Variants in KIAA1217 observed in about 807,000 individuals in gnomAD.
KIAA1217 encodes KIAA1217.
KIAA1217 carries 88 observed loss-of-function variants against 163.9 expected under a neutral mutation model. The ratio of observed to expected loss-of-function variants is 0.54; its 90% CI spans 0.45 to 0.64. KIAA1217 has a LOEUF of 0.64. KIAA1217 is among the 30% of genes least tolerant of loss of function. KIAA1217 has a pLI of 0.00. For synonymous variants in KIAA1217, 903 were observed against 923.1 expected (o/e 0.98, Z 0.39); for missense variants, 2,372 against 2,475.0 (o/e 0.96, Z 0.88).
intron 10 of KIAA1217, among the ~76,000 whole-genome samples, chr10:24,516,283 C>G (rs2070136992): frequency 6.6e-6 from 1 of 152,204 alleles, no homozygotes; most frequent in Non-Finnish European, 1.5e-5. Flanking sequence ...GTGCAAGATA[C>G]TAATAACATC....
chr10:24,051,503 A>G (rs1564639989), intron 2 of KIAA1217, among the ~76,000 whole-genome samples: 2 of 152,210 alleles, frequency 1.3e-5, no homozygotes, highest in Non-Finnish European at 2.9e-5. Context: ...AGATTCCACT[A>G]TAAACATATT....
chr10:23,800,008 A>G (rs895386726), intron 1 of KIAA1217, among the ~76,000 whole-genome samples: 2 of 152,200 alleles, frequency 1.3e-5, no homozygotes, highest in African/African-American at 4.8e-5. Context: ...TCTGGGAACA[A>G]TTTTGTTTGC....
chr10:24,245,736 A>G (rs552067210), intron 2 of KIAA1217, among the ~76,000 whole-genome samples: 1 of 151,866 alleles, frequency 6.6e-6, no homozygotes, highest in Non-Finnish European at 1.5e-5. Flanking sequence ...GGCTCAAGCA[A>G]TCCTCCTGCC....
intron 1 of KIAA1217, among the ~76,000 whole-genome samples, chr10:23,868,077 A>C (rs1228896295): frequency 6.6e-6 from 1 of 152,092 alleles, no homozygotes. Flanking sequence ...ATGGCTAGCC[A>C]GTTTTCCCAG....
chr10:24,419,752 A>G (rs1207520690), intron 3 of KIAA1217, among the ~76,000 whole-genome samples: 1 of 152,140 alleles, frequency 6.6e-6, no homozygotes, highest in Non-Finnish European at 1.5e-5. Flanking sequence ...AGCTAACCAC[A>G]TGCTGGAGTT....
At chr10:23,776,142 A>G (rs1834998809) in intron 1 of KIAA1217, among the ~76,000 whole-genome samples, 1 of 152,122 alleles carries the variant, frequency 6.6e-6, no homozygotes, top group African/African-American at 2.4e-5. Flanking sequence ...AAGAGATACC[A>G]TTGAAGATGA....
At chr10:23,868,288 G>A (rs962669372) in intron 1 of KIAA1217, among the ~76,000 whole-genome samples, 6 of 152,040 alleles carry the variant, frequency 3.9e-5, no homozygotes, top group Non-Finnish European at 8.8e-5. Flanking sequence ...CGGTTACTCA[G>A]TTAAGCCAGG....
At chr10:23,941,624 T>G (rs953199684) in intron 1 of KIAA1217, among the ~76,000 whole-genome samples, 2 of 152,074 alleles carry the variant, frequency 1.3e-5, no homozygotes, top group African/African-American at 2.4e-5. Flanking sequence ...GAATGTAGAG[T>G]GCACATATTT....
chr10:23,782,514 C>A (rs1391289969), intron 1 of KIAA1217, among the ~76,000 whole-genome samples: 1 of 152,174 alleles, frequency 6.6e-6, no homozygotes, highest in Non-Finnish European at 1.5e-5. Flanking sequence ...CTCACTGCAA[C>A]CTCTGCCTCC....
At chr10:24,159,023 A>T (rs1476927542) in intron 2 of KIAA1217, among the ~76,000 whole-genome samples, 2 of 152,234 alleles carry the variant, frequency 1.3e-5, no homozygotes, top group Non-Finnish European at 2.9e-5. Context: ...TGCTTTCTGT[A>T]ACAGTGCATG....
chr10:24,294,098 G>A (rs1417897844), intron 2 of KIAA1217, among the ~76,000 whole-genome samples: 10 of 132,244 alleles, frequency 7.6e-5, no homozygotes, highest in African/African-American at 2.3e-4. Flanking sequence ...AGGCTGAGGC[G>A]AATGGCATGA....
chr10:23,907,593 G>C (rs796190390), intron 1 of KIAA1217, among the ~76,000 whole-genome samples: 1 of 152,070 alleles, frequency 6.6e-6, no homozygotes, highest in Non-Finnish European at 1.5e-5. Flanking sequence ...GAAGATGGAT[G>C]TCCCAGCTGA....
chr10:23,700,008 C>A (rs2130699455), intron 1 of KIAA1217, among the ~76,000 whole-genome samples: 1 of 152,282 alleles, frequency 6.6e-6, no homozygotes, highest in East Asian at 1.9e-4. Context: ...GTGAAGTATG[C>A]ATCACTTAGA....
chr10:24,507,443 A>G (rs1309542832), intron 9 of KIAA1217, among the ~76,000 whole-genome samples: 1 of 152,232 alleles, frequency 6.6e-6, no homozygotes, highest in Admixed American at 6.5e-5. Flanking sequence ...AGACATGAAC[A>G]TAATGAGGAA....
At chr10:23,732,518 GTAA>G (rs1838532128) in intron 1 of KIAA1217, among the ~76,000 whole-genome samples, 4 of 152,018 alleles carry the variant, frequency 2.6e-5, no homozygotes. Flanking sequence ...TGTGCTATTA[GTAA>G]TTTGTGTTCT....
At chr10:24,302,081 A>G (rs1406490544) in intron 2 of KIAA1217, among the ~76,000 whole-genome samples, 1 of 152,140 alleles carries the variant, frequency 6.6e-6, no homozygotes, top group Non-Finnish European at 1.5e-5. Flanking sequence ...CAAACGAGAC[A>G]TAGGGTTTAT....
chr10:23,914,520 G>A (rs1842562455), intron 1 of KIAA1217, among the ~76,000 whole-genome samples: 1 of 151,980 alleles, frequency 6.6e-6, no homozygotes, highest in Non-Finnish European at 1.5e-5. Flanking sequence ...TTGCTGTGTT[G>A]TGCAGGCTGG....
chr10:23,853,377 T>A (rs1367373713), intron 1 of KIAA1217, among the ~76,000 whole-genome samples: 2 of 152,094 alleles, frequency 1.3e-5, no homozygotes, highest in Non-Finnish European at 2.9e-5. Context: ...CTTGATCATG[T>A]TGGATAAGCT....
chr10:24,506,536 C>A (rs1353418617), intron 9 of KIAA1217, among the ~76,000 whole-genome samples: 1 of 152,188 alleles, frequency 6.6e-6, no homozygotes, highest in Non-Finnish European at 1.5e-5. Context: ...AATGGCAAAG[C>A]ATTTTCAATA....
Sources: allele counts gnomAD v4.1 joint callset (sites outside exome capture counted in the v4.1 genomes callset), GRCh38; gene constraint gnomAD v4.1.1; transcripts MANE v1.5; gene names NCBI Gene and HGNC (gene_info 2026-07-23, HGNC 2026-07-21).